The following TMEM87B variants were observed in gnomAD, a reference collection of about 807,000 sequenced individuals.
TMEM87B encodes the protein transmembrane protein 87B.
TMEM87B carries 83 observed loss-of-function variants against 80.3 expected under a neutral mutation model. The ratio of observed to expected loss-of-function variants is 1.03; its 90% CI spans 0.87 to 1.24. The LOEUF is 1.24. Ranked by LOEUF, TMEM87B falls within the 50% of genes most tolerant of loss-of-function variation. The pLI is 0.00. For synonymous variants in TMEM87B, 219 were observed against 230.5 expected (o/e 0.95, Z 0.45); for missense variants, 625 against 674.4 (o/e 0.93, Z 0.81).
chr2:112,061,470 A>T (rs568500111), intron 2 of TMEM87B, among the ~76,000 whole-genome samples: 19 of 152,186 alleles, frequency 1.2e-4, no homozygotes, highest in Non-Finnish European at 2.4e-4. Context: ...GCTAGAAAGC[A>T]GAGGTGGTTT....
In TMEM87B at chr2:112,066,938, G is replaced by A; in HGVS notation, c.321G>A (p.Glu107=). The change falls in exon 4 of 19, where the codon GAG becomes GAA. Residue 107 remains glutamate (E), a splice_region_variant and synonymous_variant. Transcript: ENST00000283206. The stretch of plus-strand genomic sequence containing the variant: ...ACATAGAATTTTACCTTATATAGGA[G>A]CTGTTCCAAAAACATAAACTTAGTG... ...TCHNEHSNLE[E]LFQKHKLSVD... The A allele has an allele frequency of 1.3e-6, 2 of 1,598,106 alleles. No homozygotes were observed. The highest frequency in any genetic ancestry group is 1.1e-5 in the South Asian group (1 of 87,170).
intron 5 of TMEM87B, among the ~76,000 whole-genome samples, chr2:112,076,341 A>G (rs1257071488): frequency 6.6e-6 from 1 of 152,182 alleles, no homozygotes; most frequent in Non-Finnish European, 1.5e-5. Context: ...GTATTGTTAG[A>G]AAAAAGAGGT....
At chr2:112,070,147 C>A (rs916726277) in intron 4 of TMEM87B, among the ~76,000 whole-genome samples, 1 of 151,756 alleles carries the variant, frequency 6.6e-6, no homozygotes, top group Admixed American at 6.6e-5. Flanking sequence ...TTGATAGTTT[C>A]TTTTGCTGTG....
At chr2:112,063,089 C>T (rs775706561) in intron 2 of TMEM87B, among the ~76,000 whole-genome samples, 13 of 152,224 alleles carry the variant, frequency 8.5e-5, no homozygotes, top group African/African-American at 2.4e-5. Context: ...TTGTCATTAT[C>T]AGCCTTTGAG....
intron 2 of TMEM87B, among the ~76,000 whole-genome samples, chr2:112,063,594 T>G (rs1678323566): frequency 6.6e-6 from 1 of 152,178 alleles, no homozygotes; most frequent in Non-Finnish European, 1.5e-5. Flanking sequence ...CAGGCTAACT[T>G]CTGCTCTTCC....
chr2:112,085,933 G>A (rs759531732), intron 8 of TMEM87B, 72 bp from the exon 9 acceptor site: 4 of 1,261,282 alleles, frequency 3.2e-6, no homozygotes, highest in Non-Finnish European at 4.5e-6. Context: ...CACAGGACAT[G>A]TTGTTGAGAA....
At chr2:112,095,465 C>T (rs1449226349) in intron 11 of TMEM87B, 1 of 976,616 alleles carries the variant, frequency 1.0e-6, no homozygotes, top group Non-Finnish European at 1.2e-6. Flanking sequence ...CTTTTTATTC[C>T]TTAGCTTAAA....
intron 17 of TMEM87B, among the ~76,000 whole-genome samples, chr2:112,110,296 T>C (rs1296227853): frequency 6.6e-6 from 1 of 152,226 alleles, no homozygotes; most frequent in Non-Finnish European, 1.5e-5. Flanking sequence ...ATCACTGCAC[T>C]GGAATCATTT....
chr2:112,097,245 T>C lies in TMEM87B; in HGVS notation c.1226T>C (p.Phe409Ser). 6.2e-7 allele frequency: 1 copy of C among 1,610,210 alleles called. No homozygotes were observed. The highest frequency in any genetic ancestry group is 1.7e-4 in the Middle Eastern group (1 of 6,050). Reference sequence around the variant, plus strand: ...TTGTGTGTTTCAGCTTCTATAGTGTTTATGGGGTGGACAACTAAGACATTT... The same window carrying C: ...TTGTGTGTTTCAGCTTCTATAGTGTCTATGGGGTGGACAACTAAGACATTT... ...LIFAVLASIV[F>S]MGWTTKTFRI... The change falls in exon 13 of 19, where the codon TTT (phenylalanine) becomes TCT (serine). Residue 409 changes from phenylalanine (F) to serine (S), a missense_variant. Transcript: ENST00000283206.
At chr2:112,094,486 A>G (rs186723907) in intron 11 of TMEM87B, among the ~76,000 whole-genome samples, 1 of 152,034 alleles carries the variant, frequency 6.6e-6, no homozygotes, top group Non-Finnish European at 1.5e-5. Flanking sequence ...ACCATCCACA[A>G]GGTAGTTCAT....
chr2:112,074,392 C>T (rs1678747989), intron 4 of TMEM87B, among the ~76,000 whole-genome samples: 1 of 152,126 alleles, frequency 6.6e-6, no homozygotes, highest in Non-Finnish European at 1.5e-5. Context: ...CATAGGCCTC[C>T]AATTCTCTTC....
chr2:112,074,864 C>A (rs62157836), intron 4 of TMEM87B, 48 bp from the exon 5 acceptor site: 33 of 1,471,518 alleles, frequency 2.2e-5, no homozygotes, highest in Non-Finnish European at 2.8e-5. Flanking sequence ...AATTTTTCTC[C>A]GTAGAAATGC....
At chr2:112,093,005 G>A (rs931595981) in intron 11 of TMEM87B, among the ~76,000 whole-genome samples, 1 of 152,180 alleles carries the variant, frequency 6.6e-6, no homozygotes, top group East Asian at 1.9e-4. Flanking sequence ...TGATACTTAT[G>A]TCTTTTAGCT....
rs894910135 is a variant in TMEM87B, at chr2:112,117,753, C to T, written c.*1610C>T. ...GGTTCCCACCCACTATAATTCCCAG[C>T]ATTTATGTTCTGTTGTATTCTCCCC... On this transcript the variant is annotated 3_prime_UTR_variant, in exon 19 of 19. Coordinates refer to ENST00000283206, the MANE Select transcript of TMEM87B (RefSeq NM_032824.3). The T allele has an allele frequency of 6.6e-6, 1 of 152,256 alleles. No homozygotes were observed. The highest frequency in any genetic ancestry group is 1.9e-4 in the East Asian group (1 of 5,176). The allele number at this position is 152,256 out of a possible 1,614,324, so 9.4% of individuals were successfully genotyped here. A position where few individuals can be genotyped will look rare whatever the true frequency, so the allele number is the denominator to read the frequency against.
At chr2:112,102,348 A>C (rs888235644) in intron 15 of TMEM87B, among the ~76,000 whole-genome samples, 1 of 152,196 alleles carries the variant, frequency 6.6e-6, no homozygotes. Context: ...CCAGGGTTGC[A>C]AGGCTGTTTT....
At position 112,103,087 on chromosome 2, in the gene TMEM87B, C is replaced by T. The variant is rs534041159; in HGVS notation, c.1450+2392C>T. On this transcript the variant is annotated intron_variant, in intron 15 of 18. Coordinates refer to ENST00000283206, the MANE Select transcript of TMEM87B (RefSeq NM_032824.3). ...AGGAGTCTAAAGAAAAGAAAAAGTA[C>T]GGTAGAACTAAGTGACTGTGACAGT... 2.4e-4 allele frequency among the ~76,000 whole-genome samples: 37 copies of T among 152,234 alleles called. No individual in the cohort carries two copies. The South Asian group carries it at 3.1e-3, about 13-fold the overall frequency.
chr2:112,097,412 T>G (rs1679503258), intron 13 of TMEM87B, 121 bp downstream of exon 13: 1 of 953,122 alleles, frequency 1.0e-6, no homozygotes, highest in African/African-American at 1.7e-5. Context: ...GTTTTTACTT[T>G]GAACTATTTT....
Position 112,118,819 on chromosome 2 carries a change from TAAA to T in TMEM87B, c.*2682_*2684del, listed in dbSNP as rs1323381346. 1 of 151,988 alleles carries T rather than the reference TAAA, an allele frequency of 6.6e-6. No homozygotes were observed. Among genetic ancestry groups the T allele is most frequent in the South Asian group, 2.1e-4 (1 of 4,832 alleles). 9.4% of individuals were successfully genotyped at this position (151,988 alleles called of 1,614,324 possible). ...CATTTTGAGTTATGTATCCTTTTTTTAAAAAAAAGTTCGAGTCTGTTGCACTAG... is the reference window on the plus strand; with the variant it reads ...CATTTTGAGTTATGTATCCTTTTTTTAAAAAGTTCGAGTCTGTTGCACTAG... On this transcript the variant is annotated 3_prime_UTR_variant, in exon 19 of 19. Transcript: ENST00000283206.
At chr2:112,078,645 G>A (rs1485272463) in intron 6 of TMEM87B, among the ~76,000 whole-genome samples, 2 of 152,172 alleles carry the variant, frequency 1.3e-5, no homozygotes, top group Non-Finnish European at 2.9e-5. Context: ...TCTTTCCCAG[G>A]CATTGTGTCT....
Sources: allele counts gnomAD v4.1 joint callset (sites outside exome capture counted in the v4.1 genomes callset), GRCh38; gene constraint gnomAD v4.1.1; transcripts MANE v1.5; gene names NCBI Gene and HGNC (gene_info 2026-07-23, HGNC 2026-07-21).